DRC11: variants seen among roughly 807,000 people sequenced by gnomAD.
DRC11 encodes dynein regulatory complex subunit 11, also known as IQ and AAA domain-containing protein 1.
the DRC11 span, among the ~76,000 whole-genome samples, chr2:236,486,506 A>G: frequency 2.6e-4 from 40 of 151,868 alleles, no homozygotes; most frequent in Admixed American, 4.6e-4. The surrounding 1 kb of genome is among the most constrained non-coding windows in gnomAD (Gnocchi z 5.7). Context: ...AGCTGTATCA[A>G]TGCAAACCCA....
chr2:236,442,506 C>T, the DRC11 span, among the ~76,000 whole-genome samples: 1 of 152,212 alleles, frequency 6.6e-6, no homozygotes, highest in Non-Finnish European at 1.5e-5. Context: ...TACAGGCTAG[C>T]TGTGATGTGG....
At chr2:236,459,625 ATACGTATATACGTATATACG>A in the DRC11 span, among the ~76,000 whole-genome samples, 1 of 97,256 alleles carries the variant, frequency 1.0e-5, no homozygotes, top group Non-Finnish European at 2.3e-5. Context: ...AAGTATATAC[ATACGTATATACGTATATACG>A]TATATATGTA....
the DRC11 span, among the ~76,000 whole-genome samples, chr2:236,428,695 G>A: frequency 1.3e-5 from 2 of 152,244 alleles, no homozygotes; most frequent in South Asian, 2.1e-4. Context: ...ATTCAGCCAT[G>A]CTATGTCTTT....
chr2:236,420,218 G>T, the DRC11 span, among the ~76,000 whole-genome samples: 2 of 152,232 alleles, frequency 1.3e-5, no homozygotes, highest in Non-Finnish European at 2.9e-5. This position sits in a 1 kb window ranked among gnomAD's most constrained non-coding sequence, Gnocchi z 4.8. Context: ...GACACATACA[G>T]TGCAGTATCC....
At chr2:236,445,205 G>A in the DRC11 span, among the ~76,000 whole-genome samples, 25 of 151,974 alleles carry the variant, frequency 1.6e-4, no homozygotes, top group Admixed American at 7.2e-4. This position sits in a 1 kb window ranked among gnomAD's most constrained non-coding sequence, Gnocchi z 4.8. Flanking sequence ...ATATGAAAAA[G>A]CAAAAAGAAT....
At chr2:236,339,512 T>C in the DRC11 span, among the ~76,000 whole-genome samples, 2 of 152,224 alleles carry the variant, frequency 1.3e-5, no homozygotes, top group African/African-American at 4.8e-5. Context: ...TTTATGCCTA[T>C]ATTTTCTTGT....
At chr2:236,338,409 C>T in the DRC11 span, 1 of 1,572,502 alleles carries the variant, frequency 6.4e-7, no homozygotes, top group Non-Finnish European at 8.6e-7. Flanking sequence ...AAAATTGGTC[C>T]ACATATAGAA....
At chr2:236,368,457 T>C in the DRC11 span, 1 of 589,278 alleles carries the variant, frequency 1.7e-6, no homozygotes, top group East Asian at 2.8e-5. Flanking sequence ...ACACATCTTT[T>C]CTCAGATAAA....
the DRC11 span, among the ~76,000 whole-genome samples, chr2:236,502,548 CAAAAAAAAAAAAA>C: frequency 0.049 from 743 of 15,104 alleles, 18 homozygotes; most frequent in African/African-American, 0.094. Flanking sequence ...TGCACTCCAG[CAAAAAAAAAAAAA>C]AAAAAAAAAA....
chr2:236,492,380 C>T, the DRC11 span, among the ~76,000 whole-genome samples: 7 of 152,196 alleles, frequency 4.6e-5, no homozygotes, highest in African/African-American at 1.4e-4. Context: ...AAATACAGGG[C>T]ATGCATTTCA....
chr2:236,405,306 G>A, the DRC11 span, among the ~76,000 whole-genome samples: 2 of 151,816 alleles, frequency 1.3e-5, no homozygotes, highest in African/African-American at 2.4e-5. The surrounding 1 kb of genome is among the most constrained non-coding windows in gnomAD (Gnocchi z 4.6). Flanking sequence ...CCTGCAGACC[G>A]ACCTCAGAGT....
the DRC11 span, among the ~76,000 whole-genome samples, chr2:236,393,624 C>A: frequency 6.6e-5 from 10 of 152,164 alleles, no homozygotes; most frequent in African/African-American, 2.4e-4. This position sits in a 1 kb window ranked among gnomAD's most constrained non-coding sequence, Gnocchi z 4.7. Flanking sequence ...GAACAAACCA[C>A]AGAGGACCAG....
At chr2:236,383,071 T>C in the DRC11 span, among the ~76,000 whole-genome samples, 5 of 152,310 alleles carry the variant, frequency 3.3e-5, no homozygotes, top group East Asian at 9.6e-4. Context: ...TTTTCCCTAA[T>C]ATCCTTTTGT....
the DRC11 span, among the ~76,000 whole-genome samples, chr2:236,417,754 G>A: frequency 5.3e-5 from 8 of 151,126 alleles, no homozygotes; most frequent in African/African-American, 2.0e-4. Flanking sequence ...ACAGGCCCCT[G>A]TGTGTGATGT....
chr2:236,357,369 T>G, the DRC11 span, among the ~76,000 whole-genome samples: 1 of 115,240 alleles, frequency 8.7e-6, no homozygotes, highest in Non-Finnish European at 1.6e-5. Context: ...ATATTATAAA[T>G]ATATTTATAT....
the DRC11 span, among the ~76,000 whole-genome samples, chr2:236,358,226 G>C: frequency 7.9e-6 from 1 of 126,198 alleles, no homozygotes; most frequent in East Asian, 2.3e-4. Context: ...ATTATATACT[G>C]TATGAATATA....
the DRC11 span, among the ~76,000 whole-genome samples, chr2:236,501,304 G>A: frequency 2.9e-3 from 440 of 152,294 alleles, 2 homozygotes; most frequent in African/African-American, 9.4e-3. Context: ...GGGGATGACA[G>A]TTTGACAGGA....
chr2:236,398,253 G>T, the DRC11 span, among the ~76,000 whole-genome samples: 7,893 of 152,246 alleles, frequency 0.052, 273 homozygotes, highest in Non-Finnish European at 0.075. This position sits in a 1 kb window ranked among gnomAD's most constrained non-coding sequence, Gnocchi z 6.2. Flanking sequence ...GTCCCCCAGG[G>T]TTCCCCTTTA....
the DRC11 span, among the ~76,000 whole-genome samples, chr2:236,462,053 G>A: frequency 2.0e-4 from 31 of 152,280 alleles, no homozygotes; most frequent in African/African-American, 7.2e-4. This position sits in a 1 kb window ranked among gnomAD's most constrained non-coding sequence, Gnocchi z 6.4. Flanking sequence ...GTCAAAGAGC[G>A]GGGTGAATGT....
Sources: allele counts gnomAD v4.1 joint callset (sites outside exome capture counted in the v4.1 genomes callset), GRCh38; gene constraint gnomAD v4.1.1; non-coding constraint Gnocchi (gnomAD v3.1); transcripts MANE v1.5; gene names NCBI Gene and HGNC (gene_info 2026-07-23, HGNC 2026-07-21).